Variants in COL27A1 observed in about 807,000 individuals in gnomAD.
COL27A1 encodes collagen alpha-1(XXVII) chain.
In COL27A1, 106 loss-of-function variants were observed where a neutral mutation model predicts 251.3. That is an observed-to-expected ratio of 0.42 (90% CI 0.36 to 0.50). The LOEUF (loss-of-function observed/expected upper bound fraction) is 0.50. Ranked by LOEUF, COL27A1 falls within the 20% of genes least tolerant of loss-of-function variation. The pLI, the probability that COL27A1 is intolerant of heterozygous loss-of-function variation, is 0.00. For missense variants in COL27A1, 2,325 were observed against 2,522.8 expected, an observed-to-expected ratio of 0.92 and a Z score of 1.68; for synonymous variants, 1,000 against 986.3, an observed-to-expected ratio of 1.01 and a Z score of -0.26.
intron 4 of COL27A1, among the ~76,000 whole-genome samples, chr9:114,178,624 C>T (rs752000426): frequency 1.3e-4 from 20 of 152,156 alleles, no homozygotes; most frequent in Non-Finnish European, 2.8e-4. Flanking sequence ...CAGAAGATCA[C>T]ATCCCTTCGG....
intron 3 of COL27A1, among the ~76,000 whole-genome samples, chr9:114,177,404 G>A (rs1477999737): frequency 6.6e-6 from 1 of 152,180 alleles, no homozygotes; most frequent in African/African-American, 2.4e-5. Context: ...CTTTTGGAAG[G>A]TGAATGAGGC....
intron 25 of COL27A1, among the ~76,000 whole-genome samples, chr9:114,252,035 A>G (rs1001580036): frequency 7.2e-5 from 11 of 152,220 alleles, no homozygotes; most frequent in Non-Finnish European, 1.2e-4. Context: ...AGCCTCACGA[A>G]AACAGAGCCA....
intron 1 of COL27A1, among the ~76,000 whole-genome samples, chr9:114,158,290 GGTGT>G (rs1441247249): frequency 1.3e-5 from 2 of 152,208 alleles, no homozygotes; most frequent in Admixed American, 1.3e-4. Context: ...TGTTGAAGCT[GGTGT>G]GGGTTTCTAA....
intron 24 of COL27A1, among the ~76,000 whole-genome samples, chr9:114,249,433 C>T (rs970769754): frequency 2.6e-5 from 4 of 152,144 alleles, no homozygotes; most frequent in Admixed American, 6.5e-5. Context: ...CTGGGATGTA[C>T]GGGAGATCCG....
intron 7 of COL27A1, among the ~76,000 whole-genome samples, chr9:114,204,264 G>A (rs773251904): frequency 2.6e-5 from 4 of 152,164 alleles, no homozygotes; most frequent in Non-Finnish European, 4.4e-5. Flanking sequence ...AGCTCCCTGC[G>A]TAAGAGGGTC....
chr9:114,161,926 A>G (rs747092547), intron 1 of COL27A1, among the ~76,000 whole-genome samples: 2 of 152,232 alleles, frequency 1.3e-5, no homozygotes, highest in Non-Finnish European at 2.9e-5. Flanking sequence ...AGCCCTTGCC[A>G]TGCATGAGCT....
At chr9:114,223,433 G>A (rs972213481) in intron 14 of COL27A1, among the ~76,000 whole-genome samples, 1 of 152,142 alleles carries the variant, frequency 6.6e-6, no homozygotes, top group Non-Finnish European at 1.5e-5. Context: ...AGATGTCCCC[G>A]TGGCCATCTG....
At position 114,290,253 on chromosome 9, in the gene COL27A1, C is replaced by T. The variant is rs575474490; in HGVS notation, c.4290C>T (p.Gly1430=). ...TGCAGGGGCTGCCAGGGCCCCGGGG[C>T]GTGGTGGGGAGACAGGGCCTCGAGG... is the stretch of plus-strand genomic sequence containing the variant. ...QGLQGLPGPR[G]VVGRQGLEGI... Residue 1430 remains glycine, a synonymous_variant, in exon 47 of 61, where the codon GGC becomes GGT. Transcript: ENST00000356083. The surrounding 1 kb of genome is among the most constrained non-coding windows in gnomAD (Gnocchi z 4.6). The T allele has an allele frequency of 2.9e-5, 45 of 1,570,834 alleles. No homozygotes were observed. The highest frequency in any genetic ancestry group is 2.3e-4 in the East Asian group (10 of 43,210).
chr9:114,174,402 T>C (rs915073377), intron 3 of COL27A1, among the ~76,000 whole-genome samples: 1 of 152,144 alleles, frequency 6.6e-6, no homozygotes. Flanking sequence ...AGTTAAAACC[T>C]TGAGCAGGGG....
At position 114,217,625 on chromosome 9, in the gene COL27A1, C is replaced by T. The variant is rs2135371863; in HGVS notation, c.2368-2166C>T. ...GCCAGCCTAGAGGAGAGCCAGGGCT[C>T]ATCTGCAGGCCATCTCCATATGCTG... On this transcript the variant is annotated intron_variant, in intron 12 of 60. Transcript: ENST00000356083. 3 of 372,494 alleles carry T rather than the reference C, an allele frequency of 8.1e-6. No homozygotes were observed. The East Asian group carries it at 2.2e-4, about 27-fold the overall frequency. 23.1% of individuals were successfully genotyped at this position (372,494 alleles called of 1,614,324 possible).
rs149788805 is a variant in COL27A1, at chr9:114,168,427, C to T, written c.872C>T (p.Thr291Ile). 1 of 1,612,890 alleles carries T rather than the reference C, an allele frequency of 6.2e-7. No individual in the cohort carries two copies. Among genetic ancestry groups the T allele is most frequent in the African/African-American group, 1.3e-5 (1 of 74,920 alleles). ...CCAGCAGGCAGGGGACCCAGGGGGA[C>T]TGTGGCACCCGCCACGCCCACCAAG... ...SLPAGRGPRG[T>I]VAPATPTKPQ... The change falls in exon 3 of 61, where the codon ACT (threonine) becomes ATT (isoleucine). Residue 291 changes from threonine (T) to isoleucine (I), a missense_variant. Transcript: ENST00000356083.
Position 114,209,741 on chromosome 9 carries a change from C to CT in COL27A1, c.2322+16dup. The CT allele has an allele frequency of 6.2e-7, 1 of 1,613,832 alleles. No individual in the cohort carries two copies. Among genetic ancestry groups the CT allele is most frequent in the Non-Finnish European group, 8.5e-7 (1 of 1,179,688 alleles). ...TGATGGAGAACGAGTAAGTTTGCTT[C>CT]TTTGGTTATTCACCATCCACAGCCA... is the stretch of plus-strand genomic sequence containing the variant. On this transcript the variant is annotated intron_variant, in intron 11 of 60. Transcript: ENST00000356083.
In COL27A1 at chr9:114,161,361, G is replaced by A. The variant is rs142283883; in HGVS notation, c.63-1354G>A. 6.7e-3 allele frequency among the ~76,000 whole-genome samples: 1,024 copies of A among 152,074 alleles called. 4 individuals carry two copies. Among genetic ancestry groups the A allele is most frequent in the African/African-American group, 0.011 (453 of 41,468 alleles). On this transcript the variant is annotated intron_variant, in intron 1 of 60. Coordinates refer to ENST00000356083, the MANE Select transcript of COL27A1 (RefSeq NM_032888.4). ...CACTGGCATGGCAAATGAAATTCTCGGGATCAACTTAGATTTATCCAGATT... is the reference window on the plus strand; with the variant it reads ...CACTGGCATGGCAAATGAAATTCTCAGGATCAACTTAGATTTATCCAGATT...
intron 7 of COL27A1, among the ~76,000 whole-genome samples, chr9:114,197,639 C>T (rs955737870): frequency 6.6e-6 from 1 of 152,168 alleles, no homozygotes; most frequent in Non-Finnish European, 1.5e-5. Flanking sequence ...CCTGGGGTGC[C>T]AGGGCTCCTT....
chr9:114,278,378 A>AT (rs1835644148), intron 37 of COL27A1, among the ~76,000 whole-genome samples: 1 of 1,172 alleles, frequency 8.5e-4, no homozygotes, highest in Non-Finnish European at 1.8e-3. Flanking sequence ...AGTGGAGGTG[A>AT]GGGTGATGAT....
intron 59 of COL27A1, among the ~76,000 whole-genome samples, chr9:114,308,098 T>C (rs1474947518): frequency 6.6e-6 from 1 of 151,960 alleles, no homozygotes; most frequent in Admixed American, 6.5e-5. Context: ...CAGCATGAAA[T>C]AAAAGAGAAA....
At chr9:114,269,347 G>A (rs1020314074) in intron 35 of COL27A1, 53 bp downstream of exon 35, 80 of 1,362,470 alleles carry the variant, frequency 5.9e-5, no homozygotes, top group Middle Eastern at 1.8e-4. Flanking sequence ...TGTGGGTGCC[G>A]CAGGGGAAGA....
chr9:114,287,307 G>A (rs1020000503), intron 41 of COL27A1, among the ~76,000 whole-genome samples: 1 of 152,186 alleles, frequency 6.6e-6, no homozygotes, highest in Non-Finnish European at 1.5e-5. Context: ...GCTCAGGGGT[G>A]CCTGGCTTGA....
intron 25 of COL27A1, among the ~76,000 whole-genome samples, chr9:114,251,486 T>G (rs1833544083): frequency 6.6e-6 from 1 of 152,210 alleles, no homozygotes; most frequent in Non-Finnish European, 1.5e-5. Flanking sequence ...TTCAGCTTTT[T>G]ATCTTGAAAT....
Sources: gnomAD v4.1 joint callset for allele counts (sites outside exome capture counted in the v4.1 genomes callset) on GRCh38, gnomAD v4.1.1 for gene constraint, Gnocchi (gnomAD v3.1) non-coding constraint, MANE v1.5 for transcripts, NCBI Gene and HGNC (gene_info 2026-07-23, HGNC 2026-07-21) for gene names.